HEMK2: variants seen among roughly 807,000 people sequenced by gnomAD.
HEMK2 encodes the protein HemK methyltransferase 2, ETF1 glutamine and histone H4 lysine, also known as methyltransferase HEMK2.
At chr21:28,864,923 T>TAGATAGATAGATAGAC in the HEMK2 span, among the ~76,000 whole-genome samples, 25 of 123,742 alleles carry the variant, frequency 2.0e-4, 1 homozygote, top group Non-Finnish European at 2.8e-4. Context: ...TATAGATAGA[T>TAGATAGATAGATAGAC]AGACAGACAG....
the HEMK2 span, among the ~76,000 whole-genome samples, chr21:28,842,934 T>A: frequency 6.6e-6 from 1 of 152,236 alleles, no homozygotes; most frequent in South Asian, 2.1e-4. Context: ...AAGTCTACAA[T>A]GGGAGATAGC....
At chr21:28,749,830 C>A in the HEMK2 span, among the ~76,000 whole-genome samples, 1 of 152,166 alleles carries the variant, frequency 6.6e-6, no homozygotes, top group Non-Finnish European at 1.5e-5. Context: ...GTATCTCTTA[C>A]GAGAACATCA....
chr21:28,646,298 G>A, the HEMK2 span, among the ~76,000 whole-genome samples: 299 of 152,222 alleles, frequency 2.0e-3, no homozygotes, highest in African/African-American at 6.5e-3. Context: ...TAGTGAGCTG[G>A]GTGATTCACT....
chr21:28,605,453 A>C, the HEMK2 span, among the ~76,000 whole-genome samples: 3 of 152,246 alleles, frequency 2.0e-5, no homozygotes, highest in African/African-American at 7.2e-5. Context: ...TTTAAGTCAA[A>C]TGTCTTCAAA....
chr21:28,696,751 C>T, the HEMK2 span, among the ~76,000 whole-genome samples: 2 of 152,242 alleles, frequency 1.3e-5, no homozygotes, highest in African/African-American at 4.8e-5. Context: ...ACAACTCTAC[C>T]TAGACATCCA....
chr21:28,733,006 G>A, the HEMK2 span, among the ~76,000 whole-genome samples: 19 of 152,298 alleles, frequency 1.2e-4, no homozygotes, highest in Middle Eastern at 3.4e-3. Flanking sequence ...ATGACCAGGC[G>A]TGGTGGCTCA....
chr21:28,857,296 A>C, the HEMK2 span, among the ~76,000 whole-genome samples: 3 of 147,596 alleles, frequency 2.0e-5, no homozygotes, highest in South Asian at 6.3e-4. Flanking sequence ...CTACCTTAAA[A>C]TTGTAGAGGT....
At chr21:28,670,673 G>A in the HEMK2 span, among the ~76,000 whole-genome samples, 1 of 152,188 alleles carries the variant, frequency 6.6e-6, no homozygotes, top group Non-Finnish European at 1.5e-5. Flanking sequence ...ACTTCCCTGA[G>A]ACTGGGTAAT....
the HEMK2 span, chr21:28,882,990 C>A: frequency 3.1e-6 from 5 of 1,590,544 alleles, no homozygotes; most frequent in Non-Finnish European, 4.3e-6. Context: ...CTTACATGTA[C>A]AAAGCCTGAG....
At chr21:28,831,478 A>AGAAGGAAAGAAGGAAG in the HEMK2 span, among the ~76,000 whole-genome samples, 1 of 47,314 alleles carries the variant, frequency 2.1e-5, no homozygotes, top group African/African-American at 1.1e-4. Flanking sequence ...AAAGAAAGAA[A>AGAAGGAAAGAAGGAAG]GAAAGAAAGA....
the HEMK2 span, among the ~76,000 whole-genome samples, chr21:28,590,887 C>T: frequency 6.6e-6 from 1 of 152,222 alleles, no homozygotes; most frequent in Non-Finnish European, 1.5e-5. Context: ...TAAGTGTAAA[C>T]TCTGCTTAGA....
the HEMK2 span, among the ~76,000 whole-genome samples, chr21:28,841,403 A>G: frequency 5.3e-5 from 2 of 37,488 alleles, no homozygotes; most frequent in Non-Finnish European, 3.8e-5. Flanking sequence ...TATTATATAT[A>G]TAATATATAT....
the HEMK2 span, among the ~76,000 whole-genome samples, chr21:28,630,173 T>C: frequency 6.7e-6 from 1 of 149,932 alleles, no homozygotes; most frequent in Admixed American, 6.9e-5. Flanking sequence ...AATTAATCAT[T>C]AACTTTCTTT....
chr21:28,732,982 C>T, the HEMK2 span, among the ~76,000 whole-genome samples: 3 of 152,192 alleles, frequency 2.0e-5, no homozygotes, highest in South Asian at 2.1e-4. Flanking sequence ...GTCTCCCAAA[C>T]AAAAACATTA....
the HEMK2 span, among the ~76,000 whole-genome samples, chr21:28,625,732 T>A: frequency 2.0e-5 from 3 of 151,374 alleles, no homozygotes; most frequent in Non-Finnish European, 4.4e-5. Context: ...AACATAAAAA[T>A]TAAAAAATTA....
chr21:28,639,506 T>C, the HEMK2 span, among the ~76,000 whole-genome samples: 2 of 152,112 alleles, frequency 1.3e-5, no homozygotes, highest in African/African-American at 4.8e-5. Context: ...GATCAAATGA[T>C]AAAATATATA....
chr21:28,810,159 T>C, the HEMK2 span, among the ~76,000 whole-genome samples: 2 of 152,170 alleles, frequency 1.3e-5, no homozygotes, highest in Admixed American at 6.5e-5. Flanking sequence ...TTGGGGAAAC[T>C]ATCTCTGGTA....
the HEMK2 span, among the ~76,000 whole-genome samples, chr21:28,808,196 A>T: frequency 6.6e-6 from 1 of 151,622 alleles, no homozygotes; most frequent in East Asian, 1.9e-4. Context: ...CTCAACAAAA[A>T]CTCCCATGAG....
At chr21:28,811,398 AGAGAAG>A in the HEMK2 span, among the ~76,000 whole-genome samples, 1 of 93,426 alleles carries the variant, frequency 1.1e-5, no homozygotes, top group African/African-American at 6.3e-5. Flanking sequence ...AAGGAGAAAC[AGAGAAG>A]GAAGGAAGGA....
Sources: allele counts gnomAD v4.1 joint callset (sites outside exome capture counted in the v4.1 genomes callset), GRCh38; gene constraint gnomAD v4.1.1; transcripts MANE v1.5; gene names NCBI Gene and HGNC (gene_info 2026-07-23, HGNC 2026-07-21).